CORIN: variants seen among roughly 807,000 people sequenced by gnomAD.
CORIN encodes the protein atrial natriuretic peptide-converting enzyme.
In CORIN, 117 loss-of-function variants were observed where a neutral mutation model predicts 125.3. The observed-to-expected ratio is 0.93, with a 90% CI of 0.80 to 1.09. The LOEUF is 1.09. CORIN is among the 50% of genes least tolerant of loss of function. The pLI, the probability that CORIN is intolerant of heterozygous loss-of-function variation, is 0.00. For missense variants in CORIN, 1,253 were observed against 1,306.7 expected (o/e 0.96, Z 0.63); for synonymous variants, 450 against 466.4 (o/e 0.96, Z 0.45).
chr4:47,714,433 A>G (rs370137561), intron 5 of CORIN, among the ~76,000 whole-genome samples: 30 of 152,354 alleles, frequency 2.0e-4, no homozygotes, highest in Middle Eastern at 3.4e-3. Flanking sequence ...CCTGCTTCCA[A>G]TCCCAGAAAT....
chr4:47,597,078 G>A (rs529422763), intron 21 of CORIN, among the ~76,000 whole-genome samples: 1 of 152,212 alleles, frequency 6.6e-6, no homozygotes, highest in African/African-American at 2.4e-5. Context: ...TAGGCCCGGC[G>A]TGCTAGCTCA....
At chr4:47,836,538 A>G (rs1370230538) in intron 1 of CORIN, among the ~76,000 whole-genome samples, 1 of 152,244 alleles carries the variant, frequency 6.6e-6, no homozygotes, top group African/African-American at 2.4e-5. Flanking sequence ...AATAAAAACT[A>G]GAAGCCACAA....
chr4:47,622,055 T>A (rs1338406828), intron 19 of CORIN, among the ~76,000 whole-genome samples: 1 of 125,436 alleles, frequency 8.0e-6, no homozygotes, highest in African/African-American at 3.1e-5. Flanking sequence ...TGTGTCCATG[T>A]GATCTCATTG....
chr4:47,796,232 A>C (rs1448716506), intron 2 of CORIN, among the ~76,000 whole-genome samples: 2 of 152,090 alleles, frequency 1.3e-5, no homozygotes, highest in Non-Finnish European at 2.9e-5. Flanking sequence ...TAGATGAATA[A>C]ATTTTAAAAA....
At chr4:47,681,349 G>GAAGGA (rs1351168603) in intron 7 of CORIN, 1 of 152,292 alleles carries the variant, frequency 6.6e-6, no homozygotes, top group Non-Finnish European at 1.5e-5. Flanking sequence ...AGGCTGGTCT[G>GAAGGA]AAGGAAAGTG....
chr4:47,696,012 C>T (rs183605240), intron 5 of CORIN, among the ~76,000 whole-genome samples: 4 of 152,326 alleles, frequency 2.6e-5, no homozygotes, highest in African/African-American at 7.2e-5. Flanking sequence ...TCGGCTGATA[C>T]TCGGCCAGTT....
intron 5 of CORIN, among the ~76,000 whole-genome samples, chr4:47,697,303 A>G (rs1166787051): frequency 1.3e-5 from 2 of 152,152 alleles, no homozygotes; most frequent in Non-Finnish European, 2.9e-5. Flanking sequence ...CCAACCCAAC[A>G]TGGACTTTAC....
chr4:47,674,073 A>G (rs185343855), intron 10 of CORIN, among the ~76,000 whole-genome samples: 1 of 152,230 alleles, frequency 6.6e-6, no homozygotes, highest in Non-Finnish European at 1.5e-5. Context: ...TGCTTTAAAA[A>G]GGAAGAAAGA....
intron 2 of CORIN, among the ~76,000 whole-genome samples, chr4:47,803,200 T>G (rs552979488): frequency 1.9e-4 from 29 of 151,980 alleles, no homozygotes; most frequent in Non-Finnish European, 3.2e-4. Flanking sequence ...TGAAAAAAAC[T>G]GAAGAGGACA....
chr4:47,632,753 A>AGATAGATAGATAGATAGATAGAT (rs535482981), intron 16 of CORIN, among the ~76,000 whole-genome samples: 170 of 118,818 alleles, frequency 1.4e-3, no homozygotes, highest in African/African-American at 5.1e-3. Flanking sequence ...ATAGATAGAT[A>AGATAGATAGATAGATAGATAGAT]GATAGATAGA....
intron 3 of CORIN, among the ~76,000 whole-genome samples, chr4:47,770,971 C>G (rs1729999951): frequency 6.6e-6 from 1 of 151,956 alleles, no homozygotes; most frequent in Non-Finnish European, 1.5e-5. Context: ...AGCATGGTGA[C>G]TATAGTTAAT....
intron 1 of CORIN, among the ~76,000 whole-genome samples, chr4:47,813,522 T>C (rs1346230772): frequency 6.6e-6 from 1 of 152,166 alleles, no homozygotes; most frequent in Non-Finnish European, 1.5e-5. Flanking sequence ...GCATCAGACA[T>C]AGAGATATGT....
intron 14 of CORIN, among the ~76,000 whole-genome samples, 174 bp from the exon 15 acceptor site, chr4:47,643,430 A>T (rs1167664855): frequency 6.6e-6 from 1 of 152,248 alleles, no homozygotes; most frequent in African/African-American, 2.4e-5. Context: ...ATATCATTTA[A>T]TAGACATCAA....
intron 17 of CORIN, among the ~76,000 whole-genome samples, chr4:47,626,111 G>A (rs577985758): frequency 4.6e-5 from 7 of 152,290 alleles, no homozygotes; most frequent in East Asian, 1.9e-4. Context: ...ATGCAGACAT[G>A]AGGGTTTATT....
chr4:47,805,141 A>AT, intron 2 of CORIN, among the ~76,000 whole-genome samples: 1 of 144,378 alleles, frequency 6.9e-6, no homozygotes, highest in African/African-American at 2.5e-5. Flanking sequence ...ATCTCAAAAA[A>AT]AAAAAAAAAT....
chr4:47,732,165 C>A (rs906848595), intron 5 of CORIN, among the ~76,000 whole-genome samples: 1 of 152,102 alleles, frequency 6.6e-6, no homozygotes, highest in Non-Finnish European at 1.5e-5. Flanking sequence ...AAAATAGTAT[C>A]CTGTGGAATA....
intron 12 of CORIN, among the ~76,000 whole-genome samples, chr4:47,654,725 T>C (rs1246032547): frequency 6.6e-6 from 1 of 152,142 alleles, no homozygotes; most frequent in Non-Finnish European, 1.5e-5. Context: ...CTTAATAAAC[T>C]TGAAAGGCAG....
intron 2 of CORIN, among the ~76,000 whole-genome samples, chr4:47,801,658 G>C (rs536584668): frequency 6.6e-6 from 1 of 152,172 alleles, no homozygotes; most frequent in African/African-American, 2.4e-5. Context: ...GCTTTGCATT[G>C]AGCTCAGTGC....
rs113370632 is a variant in CORIN, at chr4:47,761,510, T to C, written c.617+1869A>G. ...ACACACACACACACACACACACACATATACACAATGGAATACTATTCAGCC... is the reference window on the plus strand; with the variant it reads ...ACACACACACACACACACACACACACATACACAATGGAATACTATTCAGCC... On this transcript the variant is annotated intron_variant, in intron 4 of 21. Transcript: ENST00000273857. Among the ~76,000 whole-genome samples, 211 of 138,734 alleles carry C rather than the reference T, an allele frequency of 1.5e-3. 2 individuals are homozygous for C. Among genetic ancestry groups the C allele is most frequent in the African/African-American group, 5.1e-3 (179 of 35,128 alleles). The allele number at this position is 138,734 out of a possible 152,430, so 91.0% of individuals were successfully genotyped here.
Sources: gnomAD v4.1 joint callset for allele counts (sites outside exome capture counted in the v4.1 genomes callset) on GRCh38, gnomAD v4.1.1 for gene constraint, MANE v1.5 for transcripts, NCBI Gene and HGNC (gene_info 2026-07-23, HGNC 2026-07-21) for gene names.